The following LIMS1 variants were observed in gnomAD, a reference collection of about 807,000 sequenced individuals.
LIMS1 encodes LIM zinc finger domain containing 1.
Under a neutral mutation model 44.1 loss-of-function variants are expected in LIMS1, and 18 were observed. The ratio of observed to expected loss-of-function variants is 0.41; its 90% CI spans 0.28 to 0.61. The LOEUF (loss-of-function observed/expected upper bound fraction) is 0.61. Ranked by LOEUF, LIMS1 falls within the 20% of genes least tolerant of loss-of-function variation. LIMS1 has a pLI of 0.32. For missense variants in LIMS1, 201 were observed against 422.0 expected, an observed-to-expected ratio of 0.48 and a Z score of 4.59; for synonymous variants, 93 against 149.1, an observed-to-expected ratio of 0.62 and a Z score of 2.74.
At chr2:108,591,310 G>T (rs955723995) in intron 1 of LIMS1, among the ~76,000 whole-genome samples, 2 of 152,160 alleles carry the variant, frequency 1.3e-5, no homozygotes, top group East Asian at 3.9e-4. Flanking sequence ...ACATCCTGTA[G>T]CAAAGGACTG....
exon 10 of LIMS1, chr2:108,685,360 T>A (rs1274486464): frequency 6.6e-6 from 1 of 152,172 alleles, no homozygotes; most frequent in Non-Finnish European, 1.5e-5. Context: ...TTATGAACAT[T>A]TAAAAATGTT....
chr2:108,681,047 A>G (rs950459695), intron 9 of LIMS1: 1 of 1,290,030 alleles, frequency 7.8e-7, no homozygotes, highest in African/African-American at 1.5e-5. Flanking sequence ...TTAAGAGGCG[A>G]CTTGCCAAAC....
intron 1 of LIMS1, among the ~76,000 whole-genome samples, chr2:108,550,880 G>A (rs943158920): frequency 2.6e-5 from 4 of 151,846 alleles, no homozygotes; most frequent in Admixed American, 2.0e-4. Context: ...CAGCACTTTG[G>A]GAGACCGAGG....
At chr2:108,656,317 C>A (rs201502207) in intron 1 of LIMS1, among the ~76,000 whole-genome samples, 2,619 of 139,404 alleles carry the variant, frequency 0.019, 36 homozygotes, top group African/African-American at 0.037. Flanking sequence ...ATCTATCTAT[C>A]TATAGATAGA....
intron 1 of LIMS1, among the ~76,000 whole-genome samples, chr2:108,609,559 C>T (rs548239749): frequency 1.3e-5 from 2 of 152,330 alleles, no homozygotes; most frequent in East Asian, 1.9e-4. Context: ...TTCTCCTCTC[C>T]ATCTAGAATA....
chr2:108,645,542 C>A (rs1168416776), intron 1 of LIMS1, among the ~76,000 whole-genome samples: 4 of 152,276 alleles, frequency 2.6e-5, no homozygotes, highest in Non-Finnish European at 1.5e-5. Context: ...CAAAAACTTA[C>A]CAAATTGTAA....
At chr2:108,660,714 A>G (rs759551730) in intron 2 of LIMS1, 4 of 195,252 alleles carry the variant, frequency 2.0e-5, no homozygotes, top group Admixed American at 1.6e-4. Context: ...ATGAACCACC[A>G]TGTCTGGCCT....
At chr2:108,617,203 A>G (rs1687975201) in intron 1 of LIMS1, among the ~76,000 whole-genome samples, 1 of 152,198 alleles carries the variant, frequency 6.6e-6, no homozygotes, top group Non-Finnish European at 1.5e-5. Context: ...AACATTAATG[A>G]TCATATTTAC....
intron 1 of LIMS1, among the ~76,000 whole-genome samples, chr2:108,589,248 C>T (rs1459076979): frequency 6.6e-6 from 1 of 151,616 alleles, no homozygotes; most frequent in Non-Finnish European, 1.5e-5. Context: ...TTATGGAGTA[C>T]AATGTGATAT....
intron 1 of LIMS1, among the ~76,000 whole-genome samples, chr2:108,537,241 G>A (rs1347707): frequency 0.42 from 63,450 of 152,052 alleles, 14,924 homozygotes; most frequent in East Asian, 0.96. Context: ...GGATCCCTTA[G>A]AAAGGTCTTG....
intron 1 of LIMS1, among the ~76,000 whole-genome samples, chr2:108,623,881 G>A (rs553863260): frequency 1.2e-4 from 18 of 152,312 alleles, no homozygotes; most frequent in African/African-American, 3.1e-4. Context: ...TAAATAAAAG[G>A]CTGTGCTCTG....
At chr2:108,590,409 T>A (rs974691109) in intron 1 of LIMS1, among the ~76,000 whole-genome samples, 1 of 152,208 alleles carries the variant, frequency 6.6e-6, no homozygotes, top group African/African-American at 2.4e-5. Flanking sequence ...GGTACATGCT[T>A]TTTAGTTTGC....
intron 1 of LIMS1, chr2:108,621,132 A>G (rs1034690619): frequency 3.2e-6 from 2 of 619,814 alleles, no homozygotes; most frequent in East Asian, 6.3e-5. Flanking sequence ...CCCCCTCCCC[A>G]AGGTGCGAGG....
intron 1 of LIMS1, among the ~76,000 whole-genome samples, chr2:108,625,826 C>T (rs1014160754): frequency 1.3e-5 from 2 of 152,182 alleles, no homozygotes; most frequent in African/African-American, 4.8e-5. Flanking sequence ...CTTCCAAGCT[C>T]ATATTTTTAT....
intron 1 of LIMS1, among the ~76,000 whole-genome samples, chr2:108,600,243 G>T (rs1686934949): frequency 6.6e-6 from 1 of 151,236 alleles, no homozygotes; most frequent in Non-Finnish European, 1.5e-5. Context: ...TAGAGATGGG[G>T]TTTCACCATT....
chr2:108,614,051 G>A (rs1042580932), intron 1 of LIMS1, among the ~76,000 whole-genome samples: 1 of 152,174 alleles, frequency 6.6e-6, no homozygotes, highest in African/African-American at 2.4e-5. Flanking sequence ...TAGGTTAGAC[G>A]CTCACTAAAG....
At chr2:108,599,550 G>A (rs551072349) in intron 1 of LIMS1, among the ~76,000 whole-genome samples, 26 of 152,262 alleles carry the variant, frequency 1.7e-4, no homozygotes, top group Middle Eastern at 3.4e-3. Context: ...CCAGCAGTGG[G>A]AGTGCTGGAT....
At chr2:108,573,829 G>A (rs1362381511) in intron 1 of LIMS1, among the ~76,000 whole-genome samples, 1 of 152,206 alleles carries the variant, frequency 6.6e-6, no homozygotes, top group East Asian at 1.9e-4. Flanking sequence ...GATCTTGGAA[G>A]TCTTCTCTGA....
At position 108,674,923 on chromosome 2, in the gene LIMS1, G is replaced by A. The variant is rs929066101; in HGVS notation, c.531-955G>A. Among the ~76,000 whole-genome samples, 40 of 151,162 alleles carry A rather than the reference G, an allele frequency of 2.6e-4. No individual in the cohort carries two copies. In the Middle Eastern group the frequency reaches 0.017, roughly 65 times the overall value. On this transcript the variant is annotated intron_variant, in intron 5 of 9. Coordinates refer to ENST00000544547, the Ensembl canonical transcript of LIMS1. Reference sequence around the variant, plus strand: ...AAAGGGATGAAATTCAAACAAGTCCGTTTGACTAATTGGGACCATCTCTGA... The same window carrying A: ...AAAGGGATGAAATTCAAACAAGTCCATTTGACTAATTGGGACCATCTCTGA...
Sources: gnomAD v4.1 joint callset for allele counts (sites outside exome capture counted in the v4.1 genomes callset) on GRCh38, gnomAD v4.1.1 for gene constraint, MANE v1.5 for transcripts, NCBI Gene and HGNC (gene_info 2026-07-23, HGNC 2026-07-21) for gene names.